MACF1: variants seen among roughly 807,000 people sequenced by gnomAD.
The protein encoded by MACF1 is microtubule actin crosslinking factor 1, also known as microtubule-actin cross-linking factor 1.
In MACF1, 193 loss-of-function variants were observed where a neutral mutation model predicts 854.8. The observed-to-expected ratio is 0.23, with a 90% CI of 0.20 to 0.25. The LOEUF (loss-of-function observed/expected upper bound fraction) is 0.25, where lower values mean the gene tolerates loss of function less well. Ranked by LOEUF, MACF1 falls within the 10% of genes least tolerant of loss-of-function variation. MACF1 has a pLI of 1.00. For missense variants in MACF1, 7,722 were observed against 8,929.1 expected (o/e 0.86, Z 5.45); for synonymous variants, 3,185 against 3,226.7 (o/e 0.99, Z 0.44).
intron 1 of MACF1, among the ~76,000 whole-genome samples, chr1:39,221,194 T>C (rs1397495455): frequency 6.6e-6 from 1 of 152,144 alleles, no homozygotes; most frequent in African/African-American, 2.4e-5. Context: ...AGACCAGTTC[T>C]TTATCTTCTT....
chr1:39,432,343 G>T (rs1212551515), intron 66 of MACF1, among the ~76,000 whole-genome samples, 192 bp from the exon 67 acceptor site: 1 of 152,160 alleles, frequency 6.6e-6, no homozygotes, highest in Non-Finnish European at 1.5e-5. Flanking sequence ...TAAAGAAATT[G>T]AAATGTGGTC....
intron 67 of MACF1, 109 bp from the exon 68 acceptor site, chr1:39,432,939 C>G (rs931220911): frequency 8.4e-5 from 58 of 693,500 alleles, no homozygotes; most frequent in Admixed American, 7.7e-4. Context: ...AAGTGTCAAA[C>G]TGTATAAGAA....
chr1:39,389,440 A>T (rs1156956877), intron 58 of MACF1, among the ~76,000 whole-genome samples: 1 of 145,720 alleles, frequency 6.9e-6, no homozygotes, highest in Non-Finnish European at 1.5e-5. Flanking sequence ...GCTCACTGAA[A>T]CCTCCACCTC....
At chr1:39,424,905 A>G (rs560237193) in intron 61 of MACF1, among the ~76,000 whole-genome samples, 2 of 152,334 alleles carry the variant, frequency 1.3e-5, no homozygotes, top group East Asian at 3.9e-4. Flanking sequence ...TAGGTAGCCT[A>G]TGGCAGTCTT....
chr1:39,477,131 T>TACAC (rs562347733), intron 97 of MACF1, among the ~76,000 whole-genome samples: 1,007 of 91,258 alleles, frequency 0.011, 64 homozygotes, highest in African/African-American at 0.033. Context: ...TATATATATA[T>TACAC]ATATACACAC....
chr1:39,311,677 A>C (rs1044815048), intron 26 of MACF1, among the ~76,000 whole-genome samples: 1 of 152,226 alleles, frequency 6.6e-6, no homozygotes, highest in Non-Finnish European at 1.5e-5. Context: ...TAGTGTAGTG[A>C]AAGGAAAATA....
Position 39,335,803 on chromosome 1 carries a change from G to T in MACF1, c.9215G>T (p.Gly3072Val), listed in dbSNP as rs1285564044. ...TTCAGCTCTAAACAGGCCAATGAAG[G>T]AAAAGTAAACAATTTAAGTCTCTGC... ...TLFSSKQANE[G>V]KVNNLSLCLT... Residue 3072 changes from glycine to valine, a missense_variant, in exon 37 of 101, where the codon GGA (glycine) becomes GTA (valine). By Grantham distance (109) the Gly-to-Val change is moderately radical (BLOSUM62 -3). Transcript: ENST00000564288. 6.2e-7 allele frequency: 1 copy of T among 1,612,398 alleles called. No individual in the cohort carries two copies. The highest frequency in any genetic ancestry group is 8.5e-7 in the Non-Finnish European group (1 of 1,178,496).
At chr1:39,099,259 G>T (rs1271086116) in intron 2 of MACF1, among the ~76,000 whole-genome samples, 1 of 152,134 alleles carries the variant, frequency 6.6e-6, no homozygotes, top group South Asian at 2.1e-4. Context: ...GGGTTCAAGC[G>T]ATTCTCCTGC....
intron 35 of MACF1, among the ~76,000 whole-genome samples, chr1:39,326,680 CAAAA>C (rs57108021): frequency 2.7e-5 from 2 of 72,750 alleles, no homozygotes; most frequent in Non-Finnish European, 5.3e-5. Flanking sequence ...GACTCCATCT[CAAAA>C]AAAAAAAAAA....
chr1:39,366,049 G>A (rs984099395), intron 49 of MACF1, among the ~76,000 whole-genome samples: 1 of 152,258 alleles, frequency 6.6e-6, no homozygotes. Context: ...TAATTATAGA[G>A]GCTTTATGGT....
chr1:39,437,591 T>C (rs1422947796), intron 70 of MACF1, 186 bp from the exon 71 acceptor site: 2 of 588,450 alleles, frequency 3.4e-6, no homozygotes, highest in East Asian at 7.3e-5. Context: ...GGATTACAGG[T>C]GTGAGCCACC....
chr1:39,105,388 T>G lies in MACF1; in HGVS notation c.220+20950T>G, dbSNP rs1056907159. The G allele has an allele frequency of 1.0e-6, 1 of 982,136 alleles. No homozygotes were observed. The highest frequency in any genetic ancestry group is 1.8e-5 in the African/African-American group (1 of 55,540). The allele number at this position is 982,136 out of a possible 1,614,324, so 60.8% of individuals were successfully genotyped here. A position where few individuals can be genotyped will look rare whatever the true frequency, so the allele number is the denominator to read the frequency against. ...CTGAGGGAGGAGCGGAGCCGAGGGG[T>G]GAGGACGCGGAAACGCGAGCCGGGA... On this transcript the variant is annotated intron_variant, in intron 2 of 93. Transcript: ENST00000361689. The surrounding 1 kb of genome is among the most constrained non-coding windows in gnomAD (Gnocchi z 5.9).
chr1:39,176,203 G>A (rs557639022), intron 2 of MACF1, among the ~76,000 whole-genome samples: 34 of 148,486 alleles, frequency 2.3e-4, no homozygotes, highest in African/African-American at 7.9e-4. Context: ...ACTTGAACCC[G>A]GGAGACCCAG....
intron 2 of MACF1, among the ~76,000 whole-genome samples, chr1:39,123,709 C>CTTATTTTTTTTTTTTTTTTTTTT (rs1376838861): frequency 1.1e-5 from 1 of 94,388 alleles, no homozygotes; most frequent in Non-Finnish European, 2.2e-5. Context: ...CCGGCTAATT[C>CTTATTTTTTTTTTTTTTTTTTTT]TTGTTTTGTT....
chr1:39,459,890 T>C, intron 91 of MACF1: 1 of 1,260,414 alleles, frequency 7.9e-7, no homozygotes, highest in Non-Finnish European at 1.0e-6. Context: ...TTAAGCTTAT[T>C]GGGTTCTTGG....
intron 35 of MACF1, among the ~76,000 whole-genome samples, chr1:39,326,506 C>A (rs992564306): frequency 1.3e-5 from 2 of 151,760 alleles, no homozygotes; most frequent in African/African-American, 2.4e-5. Context: ...CATGGTGAAA[C>A]CCAGTTTGTA....
intron 2 of MACF1, among the ~76,000 whole-genome samples, chr1:39,171,217 GTGTGTGTGTGTA>G (rs1374822848): frequency 2.0e-5 from 3 of 151,918 alleles, no homozygotes; most frequent in Non-Finnish European, 4.4e-5. Context: ...GTGTGTGTGT[GTGTGTGTGTGTA>G]TGTGTGTGTG....
Position 39,285,593 on chromosome 1 carries a change from TC to T in MACF1, c.1354-9del. 1 of 1,612,540 alleles carries T rather than the reference TC, an allele frequency of 6.2e-7. No homozygotes were observed. Among genetic ancestry groups the T allele is most frequent in the Non-Finnish European group, 8.5e-7 (1 of 1,178,696 alleles). On this transcript the variant is annotated splice_polypyrimidine_tract_variant and intron_variant, in intron 13 of 100. Transcript: ENST00000564288. ...AAGTTTTCCCACTGTTATTCTCTCT[TC>T]CTGTCTCAGGATGCTGCTCACCTGG... is the stretch of plus-strand genomic sequence containing the variant.
At chr1:39,438,055 T>C in intron 71 of MACF1, 47 bp downstream of exon 71, 1 of 1,540,704 alleles carries the variant, frequency 6.5e-7, no homozygotes, top group Middle Eastern at 2.2e-4. Context: ...GAATAAATTC[T>C]AGGCTGTGGT....
Sources: allele counts gnomAD v4.1 joint callset (sites outside exome capture counted in the v4.1 genomes callset), GRCh38; gene constraint gnomAD v4.1.1; non-coding constraint Gnocchi (gnomAD v3.1); transcripts MANE v1.5; gene names NCBI Gene and HGNC (gene_info 2026-07-23, HGNC 2026-07-21).